The following ZFP30 variants were observed in gnomAD, a reference collection of about 807,000 sequenced individuals.
The protein encoded by ZFP30 is ZFP30 zinc finger protein, also known as zinc finger protein 30 homolog.
In ZFP30, 16 loss-of-function variants were observed where a neutral mutation model predicts 12.3. The ratio of observed to expected loss-of-function variants is 1.30; its 90% CI spans 0.88 to 1.98. The LOEUF (loss-of-function observed/expected upper bound fraction) is 1.98. ZFP30 is among the 30% of genes most tolerant of loss of function. The pLI is 0.00. For synonymous variants in ZFP30, 172 were observed against 201.0 expected, an observed-to-expected ratio of 0.86 and a Z score of 1.22; for missense variants, 560 against 611.2, an observed-to-expected ratio of 0.92 and a Z score of 0.88.
At position 37,643,281 on chromosome 19, in the gene ZFP30, T is replaced by A. The variant is rs781601027; in HGVS notation, c.219A>T (p.Lys73Asn). The A allele has an allele frequency of 5.0e-6, 8 of 1,611,442 alleles. No homozygotes were observed. In the South Asian group the frequency reaches 8.9e-5, roughly 18 times the overall value. ...AGCACTTACCTAGAGTCCATCTTCT[T>A]TTCTCATCCCTCACAACCATCCAGG... is the stretch of plus-strand genomic sequence containing the variant. ...KEPWMVVRDE[K>N]RRWTLDLESR... is the part of the protein sequence containing the mutation. The change falls in exon 5 of 6, where the codon AAA becomes AAT. Residue 73 changes from lysine to asparagine, a missense_variant. Lys to Asn is a moderately conservative substitution (Grantham distance 94). Transcript: ENST00000684514.
At position 37,654,808 on chromosome 19, in the gene ZFP30, G is replaced by A. The variant is rs1459072905; in HGVS notation, c.-174C>T. 1.3e-5 allele frequency: 2 copies of A among 152,250 alleles called. No individual in the cohort carries two copies. The highest frequency in any genetic ancestry group is 3.9e-4 in the East Asian group (2 of 5,186). The allele number at this position is 152,250 out of a possible 1,614,324, so 9.4% of individuals were successfully genotyped here. A position where few individuals can be genotyped will look rare whatever the true frequency, so the allele number is the denominator to read the frequency against. On this transcript the variant is annotated 5_prime_UTR_variant, in exon 2 of 6. Transcript: ENST00000684514. Reference sequence around the variant, plus strand: ...GGGCTGGGGAAGCAGGCAGAGTTCAGGACACCCCAGGCTTTTCTTGACTCG... The same window carrying A: ...GGGCTGGGGAAGCAGGCAGAGTTCAAGACACCCCAGGCTTTTCTTGACTCG...
At chr19:37,647,382 C>T (rs2044563833) in intron 3 of ZFP30, among the ~76,000 whole-genome samples, 1 of 152,152 alleles carries the variant, frequency 6.6e-6, no homozygotes, top group East Asian at 1.9e-4. Context: ...GCAGTTGCCC[C>T]TATACTGTTT....
intron 3 of ZFP30, among the ~76,000 whole-genome samples, chr19:37,645,253 T>C (rs889254429): frequency 1.3e-5 from 2 of 151,534 alleles, no homozygotes; most frequent in Non-Finnish European, 2.9e-5. Flanking sequence ...AGGGTTTTGA[T>C]GATACATGTT....
At chr19:37,645,032 C>T (rs925235601) in intron 3 of ZFP30, among the ~76,000 whole-genome samples, 1 of 151,948 alleles carries the variant, frequency 6.6e-6, no homozygotes, top group Non-Finnish European at 1.5e-5. Flanking sequence ...AGTGAAACCC[C>T]GTCTCTACTA....
chr19:37,635,886 A>AT lies in ZFP30; in HGVS notation c.654dup (p.Cys219MetfsTer21), dbSNP rs779325399. On this transcript the variant is annotated frameshift_variant, in exon 6 of 6. Coordinates refer to ENST00000684514, the MANE Select transcript of ZFP30 (RefSeq NM_001320669.3). LOFTEE classifies it low-confidence loss of function (END_TRUNC). ...GAGCCACATGTGAAGATCTTTCCACATTTTTTACATTCATAGAGTTTGTCA... is the reference window on the plus strand; with the variant it reads ...GAGCCACATGTGAAGATCTTTCCACATTTTTTTACATTCATAGAGTTTGTCA... 13 of 1,614,074 alleles carry AT rather than the reference A, an allele frequency of 8.1e-6. No individual in the cohort carries two copies. In the East Asian group the frequency reaches 2.9e-4, roughly 36 times the overall value.
intron 3 of ZFP30, among the ~76,000 whole-genome samples, chr19:37,646,555 T>A (rs2044547932): frequency 6.6e-6 from 1 of 152,052 alleles, no homozygotes; most frequent in African/African-American, 2.4e-5. Flanking sequence ...ATATATATAT[T>A]CTTTATTTTA....
chr19:37,641,021 A>G (rs1239421106), intron 5 of ZFP30, among the ~76,000 whole-genome samples: 1 of 152,222 alleles, frequency 6.6e-6, no homozygotes, highest in Non-Finnish European at 1.5e-5. Context: ...ATTCCAATGA[A>G]ATACTGAATA....
chr19:37,654,002 C>G (rs1420970611), intron 2 of ZFP30, among the ~76,000 whole-genome samples: 11 of 152,190 alleles, frequency 7.2e-5, no homozygotes, highest in Non-Finnish European at 1.5e-4. Context: ...AATGACTGAG[C>G]ATCATCATTT....
At chr19:37,652,400 C>T (rs2147294118) in intron 2 of ZFP30, among the ~76,000 whole-genome samples, 1 of 152,006 alleles carries the variant, frequency 6.6e-6, no homozygotes, top group South Asian at 2.1e-4. Context: ...AACCCTGTCC[C>T]TACTAAAAAT....
At chr19:37,647,632 C>T (rs1215149163) in intron 3 of ZFP30, among the ~76,000 whole-genome samples, 182 bp downstream of exon 3, 2 of 152,116 alleles carry the variant, frequency 1.3e-5, no homozygotes, top group African/African-American at 4.8e-5. Context: ...AATACAGATA[C>T]AGATGGAGAA....
chr19:37,648,570 G>A (rs2044587410), intron 2 of ZFP30, among the ~76,000 whole-genome samples: 1 of 152,052 alleles, frequency 6.6e-6, no homozygotes, highest in Non-Finnish European at 1.5e-5. Flanking sequence ...ATCACCCAGA[G>A]GGCTTCTTAA....
At chr19:37,655,310 G>A (rs538390513) in intron 1 of ZFP30, 110 bp downstream of exon 1, 3 of 152,500 alleles carry the variant, frequency 2.0e-5, no homozygotes, top group Non-Finnish European at 2.9e-5. Context: ...GGCTCCACAG[G>A]AACCTTTTCT....
chr19:37,645,341 C>T (rs2044522253), intron 3 of ZFP30, among the ~76,000 whole-genome samples: 2 of 152,050 alleles, frequency 1.3e-5, no homozygotes, highest in Middle Eastern at 3.2e-3. Flanking sequence ...GTGAGTGTGA[C>T]TGAAGCAGAA....
chr19:37,652,855 C>T (rs919725945), intron 2 of ZFP30, among the ~76,000 whole-genome samples: 4 of 152,002 alleles, frequency 2.6e-5, no homozygotes, highest in East Asian at 1.9e-4. Flanking sequence ...CGGTGGCTCA[C>T]GCCTGTAATC....
At chr19:37,653,022 C>A (rs537765014) in intron 2 of ZFP30, among the ~76,000 whole-genome samples, 1 of 149,926 alleles carries the variant, frequency 6.7e-6, no homozygotes. Context: ...GAGGCTGAGG[C>A]AGGAGAATCG....
At chr19:37,639,654 GA>G (rs748421564) in intron 5 of ZFP30, among the ~76,000 whole-genome samples, 9 of 152,104 alleles carry the variant, frequency 5.9e-5, no homozygotes, top group Non-Finnish European at 1.2e-4. Flanking sequence ...ATAAACAATG[GA>G]AAAGGTAATG....
intron 2 of ZFP30, among the ~76,000 whole-genome samples, chr19:37,653,645 T>C (rs1003257622): frequency 2.0e-5 from 3 of 152,228 alleles, no homozygotes; most frequent in African/African-American, 7.2e-5. Context: ...TACTGCTAGA[T>C]ATTAATTTTA....
intron 4 of ZFP30, 110 bp from the exon 5 acceptor site, chr19:37,643,473 A>G: frequency 4.3e-6 from 3 of 704,372 alleles, no homozygotes; most frequent in Non-Finnish European, 5.9e-6. Flanking sequence ...CAGGATCACA[A>G]GGAAAAACAA....
At position 37,634,106 on chromosome 19, in the gene ZFP30, G is replaced by T. The variant is rs1349054225; in HGVS notation, c.*875C>A. The T allele has an allele frequency of 6.6e-6, 1 of 152,068 alleles. No individual in the cohort carries two copies. Among genetic ancestry groups the T allele is most frequent in the East Asian group, 1.9e-4 (1 of 5,194 alleles). The allele number at this position is 152,068 out of a possible 1,614,324, so 9.4% of individuals were successfully genotyped here. On this transcript the variant is annotated 3_prime_UTR_variant, in exon 6 of 6. Transcript: ENST00000684514. Reference sequence around the variant, plus strand: ...ATGTCTCAAGTCTGTCAATACCTAGGAGTTCCACCTTATTTCTTAAAATGC... The same window carrying T: ...ATGTCTCAAGTCTGTCAATACCTAGTAGTTCCACCTTATTTCTTAAAATGC...
Sources: allele counts gnomAD v4.1 joint callset (sites outside exome capture counted in the v4.1 genomes callset), GRCh38; gene constraint gnomAD v4.1.1; transcripts MANE v1.5; gene names NCBI Gene and HGNC (gene_info 2026-07-23, HGNC 2026-07-21).